TMPRSS11F: variants seen among roughly 807,000 people sequenced by gnomAD.
TMPRSS11F encodes the protein transmembrane protease serine 11F.
Under a neutral mutation model 60.2 loss-of-function variants are expected in TMPRSS11F, and 47 were observed. The observed-to-expected ratio is 0.78, with a 90% CI of 0.62 to 1.00. TMPRSS11F has a LOEUF of 1.00. Among genes scored for constraint, TMPRSS11F ranks in the 50% least tolerant of loss-of-function variants. TMPRSS11F has a pLI of 0.00. For missense variants in TMPRSS11F, 519 were observed against 522.9 expected, an observed-to-expected ratio of 0.99 and a Z score of 0.07; for synonymous variants, 166 against 167.3, an observed-to-expected ratio of 0.99 and a Z score of 0.06.
intron 3 of TMPRSS11F, among the ~76,000 whole-genome samples, chr4:68,074,609 A>G (rs565598438): frequency 1.3e-5 from 2 of 152,328 alleles, no homozygotes; most frequent in South Asian, 4.1e-4. Context: ...CTTGTTAGTC[A>G]TCTCTATGAG....
At chr4:68,084,132 T>A (rs1488424658) in intron 3 of TMPRSS11F, among the ~76,000 whole-genome samples, 1 of 152,038 alleles carries the variant, frequency 6.6e-6, no homozygotes, top group African/African-American at 2.4e-5. Flanking sequence ...AAAGAAATTT[T>A]AAAAAAGAAC....
intron 2 of TMPRSS11F, among the ~76,000 whole-genome samples, chr4:68,093,558 T>C (rs1334914778): frequency 2.6e-5 from 4 of 152,020 alleles, no homozygotes; most frequent in Non-Finnish European, 4.4e-5. Flanking sequence ...GGGATCTAAT[T>C]AAACTAAAGA....
chr4:68,103,587 G>A (rs1018566572), intron 1 of TMPRSS11F, among the ~76,000 whole-genome samples: 1 of 152,140 alleles, frequency 6.6e-6, no homozygotes, highest in Non-Finnish European at 1.5e-5. Context: ...TTTTAAATCA[G>A]AAAGTGTGAT....
At chr4:68,095,752 T>A (rs370246014) in intron 2 of TMPRSS11F, among the ~76,000 whole-genome samples, 245 of 151,948 alleles carry the variant, frequency 1.6e-3, no homozygotes, top group African/African-American at 5.7e-3. Flanking sequence ...AAAAATTATC[T>A]GGGCATGGTG....
intron 1 of TMPRSS11F, among the ~76,000 whole-genome samples, chr4:68,112,934 C>T (rs1010469144): frequency 3.9e-5 from 6 of 152,134 alleles, no homozygotes; most frequent in African/African-American, 1.4e-4. Context: ...CTTCCCTCTA[C>T]AAAATTTGCT....
At chr4:68,112,576 C>T (rs901609341) in intron 1 of TMPRSS11F, among the ~76,000 whole-genome samples, 8 of 151,982 alleles carry the variant, frequency 5.3e-5, no homozygotes, top group Admixed American at 1.3e-4. Context: ...AGACTCCTGC[C>T]TCTAAAAAAT....
intron 9 of TMPRSS11F, 134 bp downstream of exon 9, chr4:68,059,192 A>G (rs1395940669): frequency 2.3e-6 from 2 of 885,092 alleles, no homozygotes; most frequent in East Asian, 5.3e-5. Context: ...TGTTATTGTT[A>G]TGATTATTAA....
chr4:68,072,376 A>G lies in TMPRSS11F; in HGVS notation c.461T>C (p.Leu154Ser). The change falls in exon 5 of 10, where the codon TTG becomes TCG. Residue 154 changes from leucine to serine, a missense_variant. Coordinates refer to ENST00000356291, the MANE Select transcript of TMPRSS11F (RefSeq NM_207407.2). ...KKIEKALYQS[L>S]KTKQLSLTIN... Reference sequence around the variant, plus strand: ...GGTCAAAGACAATTGTTTGGTCTTCAAACTTTGATATAAAGCCTTTTCAAT... The same window carrying G: ...GGTCAAAGACAATTGTTTGGTCTTCGAACTTTGATATAAAGCCTTTTCAAT... The G allele has an allele frequency of 6.2e-7, 1 of 1,606,486 alleles. No individual in the cohort carries two copies. Among genetic ancestry groups the G allele is most frequent in the Non-Finnish European group, 8.5e-7 (1 of 1,175,904 alleles).
chr4:68,079,621 T>C (rs1723652337), intron 3 of TMPRSS11F, among the ~76,000 whole-genome samples: 2 of 152,320 alleles, frequency 1.3e-5, no homozygotes, highest in South Asian at 2.1e-4. Flanking sequence ...AACTCAGTAA[T>C]ATAATGCTTT....
chr4:68,054,436 C>G (rs1560389085), intron 9 of TMPRSS11F, among the ~76,000 whole-genome samples: 2 of 152,076 alleles, frequency 1.3e-5, no homozygotes, highest in African/African-American at 4.8e-5. Flanking sequence ...CTTCCAAATG[C>G]TGTCACCTTG....
At chr4:68,092,228 G>C (rs1265186661) in intron 2 of TMPRSS11F, among the ~76,000 whole-genome samples, 1 of 152,084 alleles carries the variant, frequency 6.6e-6, no homozygotes, top group African/African-American at 2.4e-5. Context: ...CATAAATGCT[G>C]TATCAGAAAA....
chr4:68,125,612 T>G (rs1006259496), intron 1 of TMPRSS11F, among the ~76,000 whole-genome samples: 2 of 152,182 alleles, frequency 1.3e-5, no homozygotes, highest in African/African-American at 2.4e-5. Flanking sequence ...GCTTGTACGA[T>G]CCAAGGGTAT....
chr4:68,075,635 C>G lies in TMPRSS11F; in HGVS notation c.283-1626G>C, dbSNP rs1723566614. Among the ~76,000 whole-genome samples the G allele has an allele frequency of 2.6e-5, 4 of 152,094 alleles. No homozygotes were observed. The South Asian group carries it at 8.3e-4, about 31-fold the overall frequency. Reference sequence around the variant, plus strand: ...GCACATTAAGAGAAATAAAAGAAAACTAGGTCACCAATAACAGTTTATAGG... The same window carrying G: ...GCACATTAAGAGAAATAAAAGAAAAGTAGGTCACCAATAACAGTTTATAGG... On this transcript the variant is annotated intron_variant, in intron 3 of 9. Transcript: ENST00000356291.
chr4:68,077,869 C>T (rs1262130509), intron 3 of TMPRSS11F, among the ~76,000 whole-genome samples: 1 of 152,226 alleles, frequency 6.6e-6, no homozygotes, highest in African/African-American at 2.4e-5. Context: ...TGCAGCCTAG[C>T]ACCTTAGGTA....
At chr4:68,054,364 T>C (rs1322611531) in intron 9 of TMPRSS11F, among the ~76,000 whole-genome samples, 1 of 152,142 alleles carries the variant, frequency 6.6e-6, no homozygotes. Context: ...AGTAACTATG[T>C]ATATAAAATG....
At chr4:68,062,749 A>G in intron 8 of TMPRSS11F, 1 of 742,662 alleles carries the variant, frequency 1.3e-6, no homozygotes, top group East Asian at 2.6e-5. Flanking sequence ...TGAAAACAAA[A>G]GTTTCCTTGT....
At chr4:68,073,810 C>T in intron 4 of TMPRSS11F, 132 bp downstream of exon 4, 1 of 578,942 alleles carries the variant, frequency 1.7e-6, no homozygotes, top group Non-Finnish European at 3.0e-6. Flanking sequence ...AAGTAGGAAA[C>T]CTTGGGCTGC....
At chr4:68,111,572 G>T (rs376947536) in intron 1 of TMPRSS11F, among the ~76,000 whole-genome samples, 16 of 152,154 alleles carry the variant, frequency 1.1e-4, no homozygotes, top group African/African-American at 3.6e-4. Flanking sequence ...GGCTATAAAA[G>T]GAAACTATTA....
At chr4:68,057,007 G>A (rs187661551) in intron 9 of TMPRSS11F, among the ~76,000 whole-genome samples, 1 of 152,266 alleles carries the variant, frequency 6.6e-6, no homozygotes, top group African/African-American at 2.4e-5. Context: ...AAATTAGGCT[G>A]GGCGTGGTGG....
Sources: allele counts gnomAD v4.1 joint callset (sites outside exome capture counted in the v4.1 genomes callset), GRCh38; gene constraint gnomAD v4.1.1; transcripts MANE v1.5; gene names NCBI Gene and HGNC (gene_info 2026-07-23, HGNC 2026-07-21).